The following POLI variants were observed in gnomAD, a reference collection of about 807,000 sequenced individuals.
The protein encoded by POLI is DNA polymerase iota.
POLI carries 58 observed loss-of-function variants against 51.6 expected under a neutral mutation model. The observed-to-expected ratio is 1.12, with a 90% CI of 0.91 to 1.40. The LOEUF (loss-of-function observed/expected upper bound fraction) is 1.40. Ranked by LOEUF, POLI falls within the 40% of genes most tolerant of loss-of-function variation. The pLI is 0.00. For missense variants in POLI, 921 were observed against 871.3 expected (o/e 1.06, Z -0.72); for synonymous variants, 322 against 299.7 (o/e 1.07, Z -0.77).
At chr18:54,282,128 CAGTT>C (rs933458743) in intron 5 of POLI, among the ~76,000 whole-genome samples, 27 of 152,156 alleles carry the variant, frequency 1.8e-4, no homozygotes, top group Admixed American at 1.2e-3. Flanking sequence ...GTATAGGAAT[CAGTT>C]AGGTTACCTA....
intron 3 of POLI, among the ~76,000 whole-genome samples, chr18:54,313,681 T>G (rs1291475740): frequency 6.6e-6 from 1 of 152,134 alleles, no homozygotes; most frequent in African/African-American, 2.4e-5. Flanking sequence ...TCCCTGCTTA[T>G]GTGTATTCCT....
chr18:54,301,974 A>C (rs2088499610), downstream of POLI, among the ~76,000 whole-genome samples: 1 of 152,128 alleles, frequency 6.6e-6, no homozygotes, highest in Non-Finnish European at 1.5e-5. Context: ...ATTTCCTTAT[A>C]CTGTATAGTC....
Position 54,286,981 on chromosome 18 carries a change from G to T in POLI, c.1068-300G>T, listed in dbSNP as rs147108385. On this transcript the variant is annotated intron_variant, in intron 7 of 9. Transcript: ENST00000579534. ...ATTGGTTGCTTTTAGTTTTGTTTTGGATCTGTATTATAAAACAGTTTGTTA... is the reference window on the plus strand; with the variant it reads ...ATTGGTTGCTTTTAGTTTTGTTTTGTATCTGTATTATAAAACAGTTTGTTA... Among the ~76,000 whole-genome samples the T allele has an allele frequency of 2.8e-3, 433 of 152,072 alleles. 2 individuals carry two copies. The highest frequency in any genetic ancestry group is 5.3e-3 in the Non-Finnish European group (357 of 67,956).
chr18:54,278,070 A>G (rs763870764), intron 4 of POLI, among the ~76,000 whole-genome samples: 1 of 152,176 alleles, frequency 6.6e-6, no homozygotes, highest in African/African-American at 2.4e-5. Context: ...TGCTCTGTGC[A>G]CTTTTCATTT....
downstream of POLI, among the ~76,000 whole-genome samples, chr18:54,300,614 T>C (rs888150468): frequency 4.6e-5 from 7 of 152,096 alleles, no homozygotes; most frequent in African/African-American, 1.4e-4. Flanking sequence ...ATTTAAGTCA[T>C]ATCAAAATCA....
At chr18:54,301,407 CAA>C (rs1476432342), downstream of POLI, among the ~76,000 whole-genome samples, 3 of 152,182 alleles carry the variant, frequency 2.0e-5, no homozygotes, top group East Asian at 5.8e-4. Flanking sequence ...CACACAACAG[CAA>C]AACATTTTGT....
chr18:54,308,977 T>C (rs998435744), intron 3 of POLI, among the ~76,000 whole-genome samples: 8 of 152,188 alleles, frequency 5.3e-5, no homozygotes, highest in Non-Finnish European at 8.8e-5. Context: ...TAGTTAGCCA[T>C]TCGTCTAATC....
Position 54,296,328 on chromosome 18 carries a change from A to AT in POLI, c.*1862dup. ...TTCATAGATTGAGAATGTACGGGCT[A>AT]TGTCACAGTTACGCTACTTATTTTG... is the stretch of plus-strand genomic sequence containing the variant. On this transcript the variant is annotated 3_prime_UTR_variant, in exon 10 of 10. Coordinates refer to ENST00000579534, the MANE Select transcript of POLI (RefSeq NM_007195.3). 1.0e-6 allele frequency: 1 copy of AT among 985,220 alleles called. No homozygotes were observed. The highest frequency in any genetic ancestry group is 1.2e-6 in the Non-Finnish European group (1 of 829,738). The allele number at this position is 985,220 out of a possible 1,614,324, so 61.0% of individuals were successfully genotyped here.
rs191662416 is a variant in POLI, at chr18:54,273,775, A to G, written c.242-151A>G. 702 of 423,172 alleles carry G rather than the reference A, an allele frequency of 1.7e-3. 5 individuals carry two copies. Among genetic ancestry groups the G allele is most frequent in the Middle Eastern group, 0.012 (20 of 1,624 alleles). 26.2% of individuals were successfully genotyped at this position (423,172 alleles called of 1,614,324 possible). The stretch of plus-strand genomic sequence containing the variant: ...TTTCTGCATTATAGAGATTTGATAT[A>G]TGGAGGCTATGTTTTTTAATTGAGA... On this transcript the variant is annotated intron_variant, in intron 2 of 9. Transcript: ENST00000579534.
At position 54,294,986 on chromosome 18, in the gene POLI, A is replaced by G; in HGVS notation, c.*519A>G. 4.1e-6 allele frequency: 4 copies of G among 984,948 alleles called. No homozygotes were observed. The highest frequency in any genetic ancestry group is 4.8e-6 in the Non-Finnish European group (4 of 829,444). The allele number at this position is 984,948 out of a possible 1,614,324, so 61.0% of individuals were successfully genotyped here. ...AAAATACCAAAGCAATTTATATTCA[A>G]TTAATGCTTCTTCATACACCAAGAA... On this transcript the variant is annotated 3_prime_UTR_variant, in exon 10 of 10. Coordinates refer to ENST00000579534, the MANE Select transcript of POLI (RefSeq NM_007195.3).
At chr18:54,311,888 C>T (rs200184421) in intron 3 of POLI, among the ~76,000 whole-genome samples, 84 of 152,300 alleles carry the variant, frequency 5.5e-4, no homozygotes, top group Non-Finnish European at 8.4e-4. Flanking sequence ...ATTAATGATT[C>T]TAGCCATAAA....
chr18:54,274,702 G>A (rs2087162350), intron 3 of POLI, among the ~76,000 whole-genome samples: 2 of 152,100 alleles, frequency 1.3e-5, no homozygotes, highest in South Asian at 4.1e-4. Context: ...GTAGGTTGAT[G>A]CAAAAGTAAT....
chr18:54,318,469 C>G (rs372395995), intron 3 of POLI, among the ~76,000 whole-genome samples: 1 of 151,822 alleles, frequency 6.6e-6, no homozygotes, highest in Non-Finnish European at 1.5e-5. Context: ...CTATTTTTTG[C>G]TAGCTTATGA....
At chr18:54,293,279 A>G (rs1442821301) in intron 9 of POLI, among the ~76,000 whole-genome samples, 3 of 151,804 alleles carry the variant, frequency 2.0e-5, no homozygotes, top group Non-Finnish European at 4.4e-5. Context: ...CCTTGATGCT[A>G]TATGTGTATG....
rs774198773 is a variant in POLI, at chr18:54,287,389, T to A, written c.1176T>A (p.His392Gln). Residue 392 changes from histidine (H) to glutamine (Q), a missense_variant, in exon 8 of 10, where the codon CAT becomes CAA. Physicochemically the swap from His to Gln is conservative, Grantham distance 24. Transcript: ENST00000579534. ...GTCGTCAGTGCCCTATTCCTTCACA[T>A]GTAATTCAGAAATTAGGGACAGGTA... ...RESRQCPIPS[H>Q]VIQKLGTGNY... is the part of the protein sequence containing the mutation. The A allele has an allele frequency of 6.2e-7, 1 of 1,608,536 alleles. No homozygotes were observed. The highest frequency in any genetic ancestry group is 2.2e-5 in the East Asian group (1 of 44,752).
intron 3 of POLI, among the ~76,000 whole-genome samples, chr18:54,319,636 C>T (rs2088771391): frequency 1.3e-5 from 2 of 150,888 alleles, no homozygotes; most frequent in African/African-American, 4.9e-5. Flanking sequence ...TAAACCTTTC[C>T]GTTTTGTGGG....
chr18:54,295,097 A>C lies in POLI; in HGVS notation c.*630A>C, dbSNP rs769273825. The C allele has an allele frequency of 4.1e-6, 4 of 985,482 alleles. No homozygotes were observed. Among genetic ancestry groups the C allele is most frequent in the Non-Finnish European group, 4.8e-6 (4 of 829,972 alleles). The allele number at this position is 985,482 out of a possible 1,614,324, so 61.0% of individuals were successfully genotyped here. On this transcript the variant is annotated 3_prime_UTR_variant, in exon 10 of 10. Coordinates refer to ENST00000579534, the MANE Select transcript of POLI (RefSeq NM_007195.3). Reference sequence around the variant, plus strand: ...GGCTAGGGCCAGGGTGGGGAGTTAAAGTGAGAGGAGGGTATATGTTATAGA... The same window carrying C: ...GGCTAGGGCCAGGGTGGGGAGTTAACGTGAGAGGAGGGTATATGTTATAGA...
At chr18:54,300,050 G>T (rs1437235520), downstream of POLI, among the ~76,000 whole-genome samples, 2 of 151,768 alleles carry the variant, frequency 1.3e-5, no homozygotes, top group Non-Finnish European at 2.9e-5. Flanking sequence ...AAGAACTCAT[G>T]CCCGGTAGAC....
rs556717731 is a variant in POLI, at chr18:54,296,933, A to G, written c.*2466A>G. Reference sequence around the variant, plus strand: ...AGTCTACATTTAAGGTTATTATTGCATATCATTGTGACTTATTTCCTTGAG... The same window carrying G: ...AGTCTACATTTAAGGTTATTATTGCGTATCATTGTGACTTATTTCCTTGAG... On this transcript the variant is annotated 3_prime_UTR_variant, in exon 10 of 10. Coordinates refer to ENST00000579534, the MANE Select transcript of POLI (RefSeq NM_007195.3). 28 of 973,524 alleles carry G rather than the reference A, an allele frequency of 2.9e-5. No homozygotes were observed. The African/African-American group carries it at 4.9e-4, about 17-fold the overall frequency. 60.3% of individuals were successfully genotyped at this position (973,524 alleles called of 1,614,324 possible).
Sources: allele counts gnomAD v4.1 joint callset (sites outside exome capture counted in the v4.1 genomes callset), GRCh38; gene constraint gnomAD v4.1.1; transcripts MANE v1.5; gene names NCBI Gene and HGNC (gene_info 2026-07-23, HGNC 2026-07-21).